Variants in PPFIA3 observed in about 807,000 individuals in gnomAD.
PPFIA3 encodes the protein PPFI scaffold protein A3, also known as liprin-alpha-3.
In PPFIA3, 26 loss-of-function variants were observed where a neutral mutation model predicts 145.8. The observed-to-expected ratio is 0.18, with a 90% confidence interval of 0.13 to 0.25. The LOEUF is 0.25. PPFIA3 is among the 10% of genes least tolerant of loss of function. The probability of loss-of-function intolerance (pLI) is 1.00; values close to 1 mark genes in which losing one functional copy is unlikely to be tolerated. For missense variants in PPFIA3, 1,008 were observed against 1,587.8 expected, an observed-to-expected ratio of 0.63 and a Z score of 6.21; for synonymous variants, 645 against 661.4, an observed-to-expected ratio of 0.98 and a Z score of 0.38.
intron 15 of PPFIA3, among the ~76,000 whole-genome samples, chr19:49,137,763 C>G (rs768844950): frequency 4.0e-5 from 6 of 151,888 alleles, no homozygotes. Context: ...CATGAGCCTT[C>G]GGCAAATATA....
At chr19:49,146,937 CCAAA>C (rs1244341818) in intron 23 of PPFIA3, among the ~76,000 whole-genome samples, 9 of 151,934 alleles carry the variant, frequency 5.9e-5, no homozygotes, top group Middle Eastern at 3.2e-3. Flanking sequence ...CTCATAAAAA[CCAAA>C]CAAATAAACT....
chr19:49,141,912 A>G, intron 19 of PPFIA3, 122 bp from the exon 20 acceptor site: 1 of 592,088 alleles, frequency 1.7e-6, no homozygotes, highest in Non-Finnish European at 2.7e-6. Flanking sequence ...TTGTACATTC[A>G]TAAAAGCTGC....
In PPFIA3 at chr19:49,150,221, C is replaced by T. The variant is rs536245308; in HGVS notation, c.*14-15C>T. On this transcript the variant is annotated splice_polypyrimidine_tract_variant and intron_variant, in intron 29 of 29. Transcript: ENST00000334186. The stretch of plus-strand genomic sequence containing the variant: ...TGGATCTTCACTGCTCCACGCGCTG[C>T]CCGGCGTCATGCAGGTGACCTCACT... 307 of 1,363,374 alleles carry T rather than the reference C, an allele frequency of 2.3e-4. 1 individual carries two copies. The South Asian group carries it at 3.6e-3, about 16-fold the overall frequency. 84.5% of individuals were successfully genotyped at this position (1,363,374 alleles called of 1,614,324 possible). A position where few individuals can be genotyped will look rare whatever the true frequency, so the allele number is the denominator to read the frequency against.
At chr19:49,146,545 C>A (rs1319357613) in intron 23 of PPFIA3, 1 of 341,544 alleles carries the variant, frequency 2.9e-6, no homozygotes, top group Non-Finnish European at 5.4e-6. Context: ...CTCAGTGTAC[C>A]AGGGCCAAGG....
At chr19:49,129,727 G>A (rs2041046261) in intron 5 of PPFIA3, among the ~76,000 whole-genome samples, 3 of 152,172 alleles carry the variant, frequency 2.0e-5, no homozygotes, top group Admixed American at 1.3e-4. Flanking sequence ...GGAAGTGATT[G>A]AATGGGGAAA....
chr19:49,141,985 G>C, intron 19 of PPFIA3, 49 bp from the exon 20 acceptor site: 3 of 1,466,560 alleles, frequency 2.0e-6, no homozygotes, highest in South Asian at 1.2e-5. Flanking sequence ...CACAGAGCAG[G>C]GGGTCTCCAT....
chr19:49,135,283 C>T (rs2041124887), intron 13 of PPFIA3, among the ~76,000 whole-genome samples: 1 of 152,154 alleles, frequency 6.6e-6, no homozygotes, highest in Admixed American at 6.5e-5. Context: ...CTCAAGTGAT[C>T]CTCCCCCCTC....
At chr19:49,126,169 C>A (rs1340930665) in intron 1 of PPFIA3, among the ~76,000 whole-genome samples, 1 of 151,690 alleles carries the variant, frequency 6.6e-6, no homozygotes, top group Non-Finnish European at 1.5e-5. Context: ...AGGCTGGGCT[C>A]AATCTCTTGA....
chr19:49,138,458 A>G, intron 16 of PPFIA3, 31 bp downstream of exon 16: 1 of 1,475,018 alleles, frequency 6.8e-7, no homozygotes, highest in Non-Finnish European at 9.0e-7. Context: ...CCAGCCTAGT[A>G]GGGGGATGGG....
intron 15 of PPFIA3, 199 bp downstream of exon 15, chr19:49,137,110 T>C (rs1287159664): frequency 1.3e-5 from 6 of 465,390 alleles, no homozygotes; most frequent in African/African-American, 3.9e-5. Context: ...CCTACACATA[T>C]ACCCCCCAGC....
chr19:49,134,665 C>G lies in PPFIA3; in HGVS notation c.1404C>G (p.Asn468Lys). ...ACTCCCTGAGCGAGGAGATAGCCAACATGAAGAAGCTTCAGGATGAGTTGC... is the reference window on the plus strand; with the variant it reads ...ACTCCCTGAGCGAGGAGATAGCCAAGATGAAGAAGCTTCAGGATGAGTTGC... Reference protein sequence around the residue: ...EKNSLSEEIANMKKLQDELLL... With the variant: ...EKNSLSEEIAKMKKLQDELLL... Residue 468 changes from asparagine (N) to lysine (K), a missense_variant, in exon 12 of 30, where the codon AAC becomes AAG. By Grantham distance (94) the Asn-to-Lys change is moderately conservative. Around this residue, in one of 11 missense-constraint regions of PPFIA3, gnomAD observed 21 missense variants for 46.4 expected, o/e 0.45. Transcript: ENST00000334186. 6.2e-7 allele frequency: 1 copy of G among 1,614,008 alleles called. No individual in the cohort carries two copies. The highest frequency in any genetic ancestry group is 1.6e-4 in the Middle Eastern group (1 of 6,062).
At chr19:49,146,218 GCGCATGAACAGGCTGTGCACGA>G in intron 23 of PPFIA3, 26 bp downstream of exon 23, 1 of 1,612,022 alleles carries the variant, frequency 6.2e-7, no homozygotes, top group Non-Finnish European at 8.5e-7. Flanking sequence ...CGGGGCGTGA[GCGCATGAACAGGCTGTGCACGA>G]CGCATGGATG....
chr19:49,130,151 C>T lies in PPFIA3; in HGVS notation c.657+84C>T. ...TGTTTGTAACGTTTGGTATCATCCT[C>T]ACTGGCCCTAAGACGGCTGCACCTG... On this transcript the variant is annotated intron_variant, in intron 6 of 29. Coordinates refer to ENST00000334186, the MANE Select transcript of PPFIA3 (RefSeq NM_003660.4). The surrounding 1 kb of genome is among the most constrained non-coding windows in gnomAD (Gnocchi z 4.5). The T allele has an allele frequency of 7.0e-7, 1 of 1,419,748 alleles. No individual in the cohort carries two copies. Among genetic ancestry groups the T allele is most frequent in the African/African-American group, 1.4e-5 (1 of 69,864 alleles). 87.9% of individuals were successfully genotyped at this position (1,419,748 alleles called of 1,614,324 possible).
chr19:49,135,151 C>T (rs543278846), intron 13 of PPFIA3, among the ~76,000 whole-genome samples: 37 of 152,254 alleles, frequency 2.4e-4, no homozygotes, highest in African/African-American at 6.5e-4. Flanking sequence ...AAGCGATTCT[C>T]GTGCCTCAGC....
rs763831843 is a variant in PPFIA3 at position 49,128,049 on chromosome 19, G to A, written c.176G>A (p.Arg59Gln). The change falls in exon 2 of 30, where the codon CGG becomes CAG. Residue 59 changes from arginine to glutamine, a missense_variant. This residue lies in a region of PPFIA3 where 108 missense variants were observed against 144.3 expected (regional missense o/e 0.75). Transcript: ENST00000334186. This position sits in a 1 kb window ranked among gnomAD's most constrained non-coding sequence, Gnocchi z 4.1. Reference sequence around the variant, plus strand: ...GACGGGTTGGCTACAGCGCAGCTGCGGCTGCGCGAGCTCGGCCACGAGAAG... The same window carrying A: ...GACGGGTTGGCTACAGCGCAGCTGCAGCTGCGCGAGCTCGGCCACGAGAAG... ...AQDGLATAQL[R>Q]LRELGHEKDS... 16 of 1,595,124 alleles carry A rather than the reference G, an allele frequency of 1.0e-5. No homozygotes were observed. The highest frequency in any genetic ancestry group is 6.7e-5 in the East Asian group (3 of 44,766).
intron 19 of PPFIA3, among the ~76,000 whole-genome samples, 174 bp from the exon 20 acceptor site, chr19:49,141,860 G>A (rs1055874149): frequency 6.7e-6 from 1 of 150,284 alleles, no homozygotes; most frequent in Non-Finnish European, 1.5e-5. Context: ...GGGGGGAGAG[G>A]ATTTACAGAT....
chr19:49,131,358 T>G (rs1248468517), intron 7 of PPFIA3, among the ~76,000 whole-genome samples: 21 of 86,490 alleles, frequency 2.4e-4, no homozygotes, highest in African/African-American at 9.3e-4. Context: ...TTTTTTTTTG[T>G]ATCTTCAGTA....
intron 18 of PPFIA3, 103 bp from the exon 19 acceptor site, chr19:49,141,317 C>T: frequency 1.2e-6 from 1 of 828,216 alleles, no homozygotes; most frequent in Non-Finnish European, 2.0e-6. Context: ...TCACTACTCC[C>T]TCAGGGCCTC....
intron 21 of PPFIA3, among the ~76,000 whole-genome samples, chr19:49,144,750 T>C (rs1421806164): frequency 2.6e-5 from 4 of 151,724 alleles, no homozygotes; most frequent in East Asian, 1.9e-4. Context: ...GCATTTTGGA[T>C]TTTGGATTTT....
Sources: allele counts gnomAD v4.1 joint callset (sites outside exome capture counted in the v4.1 genomes callset), GRCh38; gene constraint gnomAD v4.1.1; regional missense constraint gnomAD v4.1.1; non-coding constraint Gnocchi (gnomAD v3.1); transcripts MANE v1.5; gene names NCBI Gene and HGNC (gene_info 2026-07-23, HGNC 2026-07-21).